The following GRID2 variants were observed in gnomAD, a reference collection of about 807,000 sequenced individuals.
The protein encoded by GRID2 is glutamate ionotropic receptor delta type subunit 2, also known as glutamate receptor ionotropic, delta-2.
GRID2 carries 33 observed loss-of-function variants against 114.8 expected under a neutral mutation model. That is an observed-to-expected ratio of 0.29 (90% CI 0.22 to 0.38). The LOEUF is 0.38. Among genes scored for constraint, GRID2 ranks in the 10% least tolerant of loss-of-function variants. The pLI is 1.00. For missense variants in GRID2, 1,184 were observed against 1,257.7 expected (o/e 0.94, Z 0.89); for synonymous variants, 505 against 449.9 (o/e 1.12, Z -1.55).
chr4:92,578,716 T>TTATCTATCTATCAATCAATC (rs1553902699), intron 1 of GRID2, among the ~76,000 whole-genome samples: 192 of 111,174 alleles, frequency 1.7e-3, no homozygotes, highest in East Asian at 4.5e-3. Context: ...AAAAATATCA[T>TTATCTATCTATCAATCAATC]TATCTATCTA....
intron 13 of GRID2, among the ~76,000 whole-genome samples, chr4:93,618,904 A>ATTCAGTT (rs1177053524): frequency 6.6e-6 from 1 of 152,324 alleles, no homozygotes; most frequent in Admixed American, 6.5e-5. Context: ...AAGAAGCTAC[A>ATTCAGTT]TTCAGTTTTC....
At chr4:93,007,588 A>G (rs1266342333) in intron 2 of GRID2, among the ~76,000 whole-genome samples, 2 of 152,194 alleles carry the variant, frequency 1.3e-5, no homozygotes, top group East Asian at 1.9e-4. Context: ...GAATGAGTAT[A>G]TCTAACTTAG....
At chr4:93,632,472 G>A (rs1243415884) in intron 14 of GRID2, among the ~76,000 whole-genome samples, 1 of 152,124 alleles carries the variant, frequency 6.6e-6, no homozygotes, top group Non-Finnish European at 1.5e-5. Context: ...ATTAAATAGG[G>A]AATCCTTTCC....
intron 8 of GRID2, among the ~76,000 whole-genome samples, chr4:93,358,138 A>G (rs923707821): frequency 6.6e-6 from 1 of 151,864 alleles, no homozygotes; most frequent in Non-Finnish European, 1.5e-5. Context: ...TTCTTCTTCT[A>G]ATTTAGAAAG....
intron 1 of GRID2, among the ~76,000 whole-genome samples, chr4:92,454,249 G>T (rs968584667): frequency 2.6e-5 from 4 of 152,056 alleles, no homozygotes; most frequent in African/African-American, 9.6e-5. Flanking sequence ...TTGGACACCT[G>T]GCTTCAAATT....
Position 93,422,944 on chromosome 4 carries a change from C to T in GRID2, c.1521C>T (p.Gly507=), listed in dbSNP as rs1288911156. The change falls in exon 10 of 16, where the codon GGC becomes GGT. Residue 507 remains glycine, a synonymous_variant. Coordinates refer to ENST00000282020, the MANE Select transcript of GRID2 (RefSeq NM_001510.4). ...GSPQEDGTWN[G]LVGELVFKRA... Reference sequence around the variant, plus strand: ...CACAAGAAGATGGGACATGGAATGGCTTGGTAGGAGAACTTGTCTTTAAGG... The same window carrying T: ...CACAAGAAGATGGGACATGGAATGGTTTGGTAGGAGAACTTGTCTTTAAGG... The T allele has an allele frequency of 1.6e-5, 26 of 1,610,442 alleles. No individual in the cohort carries two copies. The highest frequency in any genetic ancestry group is 2.2e-5 in the Non-Finnish European group (26 of 1,176,910).
chr4:93,451,555 T>G (rs1257100281), intron 10 of GRID2, among the ~76,000 whole-genome samples: 1 of 152,038 alleles, frequency 6.6e-6, no homozygotes, highest in Non-Finnish European at 1.5e-5. Context: ...TTAATCTTTC[T>G]CCTAAGAGCC....
intron 1 of GRID2, among the ~76,000 whole-genome samples, chr4:92,588,677 T>TAAAAAAAA (rs1728570074): frequency 4.6e-5 from 2 of 43,848 alleles, no homozygotes; most frequent in Admixed American, 3.2e-4. Flanking sequence ...AGACTCCGTC[T>TAAAAAAAA]CAAAAAAAAA....
chr4:93,002,852 G>A (rs773068799), intron 2 of GRID2, among the ~76,000 whole-genome samples: 1 of 151,754 alleles, frequency 6.6e-6, no homozygotes, highest in Non-Finnish European at 1.5e-5. Flanking sequence ...TTCTTTTGGA[G>A]GCTGTAGGGG....
intron 1 of GRID2, among the ~76,000 whole-genome samples, chr4:92,439,247 G>C (rs558393280): frequency 6.6e-6 from 1 of 151,964 alleles, no homozygotes. Context: ...GGCAAGGACC[G>C]GCCATTTACA....
chr4:93,073,472 A>T (rs747245978), intron 2 of GRID2, among the ~76,000 whole-genome samples: 1 of 152,172 alleles, frequency 6.6e-6, no homozygotes, highest in East Asian at 1.9e-4. Flanking sequence ...TGTTCACATT[A>T]TTAGTAGGAC....
chr4:92,593,338 A>G (rs2149213443), intron 2 of GRID2, among the ~76,000 whole-genome samples: 1 of 152,146 alleles, frequency 6.6e-6, no homozygotes, highest in East Asian at 1.9e-4. Flanking sequence ...GCCACATTTA[A>G]GAGCTGGTTT....
At chr4:93,698,786 T>G (rs2110133612) in intron 14 of GRID2, among the ~76,000 whole-genome samples, 1 of 152,220 alleles carries the variant, frequency 6.6e-6, no homozygotes, top group Middle Eastern at 3.4e-3. Context: ...TTAATAATTT[T>G]CCACTAAAAG....
At chr4:93,461,009 G>A (rs185703596) in intron 11 of GRID2, among the ~76,000 whole-genome samples, 7 of 152,166 alleles carry the variant, frequency 4.6e-5, no homozygotes, top group Non-Finnish European at 7.4e-5. Flanking sequence ...AAGTTTTGGA[G>A]CACACCCAGG....
chr4:92,995,042 G>A (rs1755115856), intron 2 of GRID2, among the ~76,000 whole-genome samples: 1 of 152,100 alleles, frequency 6.6e-6, no homozygotes, highest in Admixed American at 6.6e-5. Flanking sequence ...ACTGTCCTTG[G>A]AGGAATAAAA....
intron 13 of GRID2, among the ~76,000 whole-genome samples, chr4:93,613,666 C>A (rs1248898589): frequency 1.7e-4 from 23 of 137,410 alleles, no homozygotes; most frequent in Admixed American, 3.7e-4. Flanking sequence ...GCAGTCTGCC[C>A]GTTCTCAGAT....
chr4:92,738,525 T>G (rs966831731), intron 2 of GRID2, among the ~76,000 whole-genome samples: 3 of 152,230 alleles, frequency 2.0e-5, no homozygotes, highest in Admixed American at 2.0e-4. Context: ...ATGTATTTTC[T>G]AAGTTACATT....
At chr4:92,573,679 G>C (rs182218502) in intron 1 of GRID2, among the ~76,000 whole-genome samples, 198 of 152,252 alleles carry the variant, frequency 1.3e-3, no homozygotes, top group African/African-American at 4.7e-3. Context: ...CTGAGGGACT[G>C]TTTGTTATTA....
intron 2 of GRID2, among the ~76,000 whole-genome samples, chr4:92,671,731 G>T (rs761307686): frequency 6.6e-6 from 1 of 152,050 alleles, no homozygotes; most frequent in African/African-American, 2.4e-5. Flanking sequence ...AAGCAAGGAG[G>T]GTTTTGAGAG....
Sources: allele counts gnomAD v4.1 joint callset (sites outside exome capture counted in the v4.1 genomes callset), GRCh38; gene constraint gnomAD v4.1.1; transcripts MANE v1.5; gene names NCBI Gene and HGNC (gene_info 2026-07-23, HGNC 2026-07-21).